KIF21B: variants seen among roughly 807,000 people sequenced by gnomAD.
KIF21B encodes kinesin-like protein KIF21B.
KIF21B carries 85 observed loss-of-function variants against 192.9 expected under a neutral mutation model. The ratio of observed to expected loss-of-function variants is 0.44; its 90% CI spans 0.37 to 0.53. The LOEUF is 0.53. KIF21B is among the 20% of genes least tolerant of loss of function. The pLI is 0.00. For missense variants in KIF21B, 1,716 were observed against 2,194.8 expected (o/e 0.78, Z 4.36); for synonymous variants, 832 against 884.6 (o/e 0.94, Z 1.05).
At position 201,023,706 on chromosome 1, in the gene KIF21B, A is replaced by T. The variant is rs1424127043; in HGVS notation, c.-323T>A. 1 of 151,388 alleles carries T rather than the reference A, an allele frequency of 6.6e-6. No homozygotes were observed. Among genetic ancestry groups the T allele is most frequent in the Admixed American group, 6.6e-5 (1 of 15,210 alleles). The allele number at this position is 151,388 out of a possible 1,614,324, so 9.4% of individuals were successfully genotyped here. ...CCACCCGGCAGCCACCTCCCGCCGC[A>T]GCGCGAACAAAGGGGGCGGGGGCCG... On this transcript the variant is annotated 5_prime_UTR_variant, in exon 1 of 35. Coordinates refer to ENST00000461742, the MANE Select transcript of KIF21B (RefSeq NM_001252102.2). The surrounding 1 kb of genome is among the most constrained non-coding windows in gnomAD (Gnocchi z 5.9).
chr1:201,002,251 C>T lies in KIF21B; in HGVS notation c.1312G>A (p.Val438Met), dbSNP rs1241827924. 1.2e-6 allele frequency: 2 copies of T among 1,614,100 alleles called. No individual in the cohort carries two copies. The highest frequency in any genetic ancestry group is 1.7e-5 in the Admixed American group (1 of 60,008). Residue 438 changes from valine to methionine, a missense_variant, in exon 9 of 35, where the codon GTG becomes ATG. By Grantham distance (21) the Val-to-Met change is conservative (BLOSUM62 1). Around this residue, in one of 3 missense-constraint regions of KIF21B, gnomAD observed 1,087 missense variants for 1,316.6 expected, o/e 0.83. Transcript: ENST00000461742. ...TCGATGGCCTCCTGCATGGCTTTCA[C>T]CCGCAGCCGCAGGGCCCCATTCTCC... ...QKENGALRLR[V>M]KAMQEAIDAI...
rs1247757053 is a variant in KIF21B at position 200,997,112 on chromosome 1, C to CT, written c.2078-718dup. Among the ~76,000 whole-genome samples the CT allele has an allele frequency of 2.0e-5, 3 of 152,332 alleles. No individual in the cohort carries two copies. The South Asian group carries it at 6.2e-4, about 32-fold the overall frequency. On this transcript the variant is annotated intron_variant, in intron 14 of 34. Transcript: ENST00000461742. The stretch of plus-strand genomic sequence containing the variant: ...TTTCCTAAGTGGTCTCCAGCTTCCA[C>CT]TTTCACTCCCCCATGCAGCAGCCAG...
At chr1:200,995,301 G>C (rs980603882) in intron 15 of KIF21B, among the ~76,000 whole-genome samples, 16 of 152,198 alleles carry the variant, frequency 1.1e-4, no homozygotes, top group African/African-American at 3.6e-4. Flanking sequence ...CAGCTTACTG[G>C]GGCTGCCACC....
chr1:200,973,822 G>A, intron 34 of KIF21B: 1 of 1,430,434 alleles, frequency 7.0e-7, no homozygotes, highest in Non-Finnish European at 9.1e-7. Context: ...TTGGGGGGGT[G>A]TTTCGTTTTG....
Position 200,975,397 on chromosome 1 carries a change from C to G in KIF21B, c.4614+102G>C, listed in dbSNP as rs956603409. ...TTGGGGAGCTGTGAAAACCATCTGG[C>G]CTGGGGCCCGCGAGTCCAGGTCCCA... On this transcript the variant is annotated intron_variant, in intron 33 of 34. Coordinates refer to ENST00000461742, the MANE Select transcript of KIF21B (RefSeq NM_001252102.2). The surrounding 1 kb of genome is among the most constrained non-coding windows in gnomAD (Gnocchi z 4.3). The G allele has an allele frequency of 3.3e-4, 361 of 1,083,742 alleles. 4 individuals are homozygous for G. The East Asian group carries it at 8.8e-3, about 26-fold the overall frequency. The allele number at this position is 1,083,742 out of a possible 1,614,324, so 67.1% of individuals were successfully genotyped here.
intron 1 of KIF21B, among the ~76,000 whole-genome samples, chr1:201,021,699 C>A (rs1272771551): frequency 6.6e-6 from 1 of 152,056 alleles, no homozygotes; most frequent in African/African-American, 2.4e-5. Context: ...AGGTAGGGGG[C>A]CTTTGTTTAG....
intron 29 of KIF21B, among the ~76,000 whole-genome samples, chr1:200,980,042 C>T (rs781129937): frequency 1.9e-4 from 29 of 152,154 alleles, no homozygotes; most frequent in Non-Finnish European, 3.4e-4. Context: ...TTTATGGTGC[C>T]TGTTCCTCCA....
At chr1:201,021,904 C>G (rs1442457245) in intron 1 of KIF21B, among the ~76,000 whole-genome samples, 1 of 152,162 alleles carries the variant, frequency 6.6e-6, no homozygotes. Context: ...CCATGCACCC[C>G]TCCCTCGACC....
intron 30 of KIF21B, 43 bp from the exon 31 acceptor site, chr1:200,977,419 A>C: frequency 1.2e-6 from 2 of 1,601,388 alleles, no homozygotes; most frequent in Non-Finnish European, 1.7e-6. Flanking sequence ...AAAACAATCC[A>C]TGTGCACAGT....
rs562793224 is a variant in KIF21B, at chr1:201,019,337, G to C, written c.41+4006C>G. ...AGATTTTATGTCCGTCTTCCTCCAA[G>C]CCACTGCTCTTCACAAATGAACAAA... On this transcript the variant is annotated intron_variant, in intron 1 of 34. Coordinates refer to ENST00000461742, the MANE Select transcript of KIF21B (RefSeq NM_001252102.2). Among the ~76,000 whole-genome samples the C allele has an allele frequency of 1.6e-4, 24 of 152,236 alleles. No homozygotes were observed. In the South Asian group the frequency reaches 5.0e-3, roughly 32 times the overall value.
chr1:200,980,890 C>A, intron 29 of KIF21B, 70 bp downstream of exon 29: 2 of 1,557,926 alleles, frequency 1.3e-6, no homozygotes, highest in Non-Finnish European at 1.7e-6. Flanking sequence ...CTTCACAGAC[C>A]ACTCTGACAA....
At chr1:201,001,440 C>G (rs1233078565) in intron 9 of KIF21B, 8 of 152,722 alleles carry the variant, frequency 5.2e-5, no homozygotes, top group African/African-American at 1.7e-4. Flanking sequence ...GTCGCCCAGG[C>G]TAGAGTCACA....
intron 30 of KIF21B, 142 bp from the exon 31 acceptor site, chr1:200,977,518 G>T: frequency 9.8e-7 from 1 of 1,019,092 alleles, no homozygotes; most frequent in Non-Finnish European, 1.4e-6. Context: ...AAGAGCAATA[G>T]CTTCTCCCAT....
intron 1 of KIF21B, among the ~76,000 whole-genome samples, chr1:201,012,631 C>CTATGTATGTATG (rs113600659): frequency 0.41 from 61,274 of 150,318 alleles, 13,352 homozygotes; most frequent in African/African-American, 0.55. Flanking sequence ...TCAGAAAACT[C>CTATGTATGTATG]TATGTATGTA....
intron 1 of KIF21B, 42 bp from the exon 2 acceptor site, chr1:201,009,530 A>G (rs773955124): frequency 6.4e-7 from 1 of 1,572,360 alleles, no homozygotes. Flanking sequence ...CCCAGCTAGA[A>G]GGGGGCTGCC....
In KIF21B at chr1:200,983,059, A is replaced by G. The variant is rs1656048834; in HGVS notation, c.3839T>C (p.Leu1280Pro). The change falls in exon 28 of 35, where the codon CTG (leucine) becomes CCG (proline). Residue 1280 changes from leucine to proline, a missense_variant. Coordinates refer to ENST00000461742, the MANE Select transcript of KIF21B (RefSeq NM_001252102.2). ...ACGAGAGACATTCTGTGTGTACCTC[A>G]GGACCTCCGACAAAGAGGAGTCGCT... is the stretch of plus-strand genomic sequence containing the variant. The part of the protein sequence containing the change: ...DDSDSSLSEV[L>P]RGIISPVGGA... The G allele has an allele frequency of 6.5e-7, 1 of 1,536,018 alleles. No homozygotes were observed. The highest frequency in any genetic ancestry group is 8.7e-7 in the Non-Finnish European group (1 of 1,146,856).
intron 30 of KIF21B, among the ~76,000 whole-genome samples, chr1:200,979,155 T>C (rs1655748894): frequency 6.6e-6 from 1 of 152,088 alleles, no homozygotes; most frequent in South Asian, 2.1e-4. Flanking sequence ...GGGGCAGGGC[T>C]CAGGGCCATG....
intron 15 of KIF21B, among the ~76,000 whole-genome samples, chr1:200,993,392 G>A (rs1336398082): frequency 1.3e-5 from 2 of 152,180 alleles, no homozygotes; most frequent in Non-Finnish European, 2.9e-5. Context: ...GGCTGGACCA[G>A]AAGCCTCGAA....
In KIF21B at chr1:200,982,834, C is replaced by T. The variant is rs1044113814; in HGVS notation, c.3842+222G>A. ...AGCAACTGTGCACCCTCCCCAAGCC[C>T]CCAGCTCTAGCTGGCGCAGTCCAAG... On this transcript the variant is annotated intron_variant, in intron 28 of 34. Coordinates refer to ENST00000461742, the MANE Select transcript of KIF21B (RefSeq NM_001252102.2). The surrounding 1 kb of genome is among the most constrained non-coding windows in gnomAD (Gnocchi z 4.7). Among the ~76,000 whole-genome samples, 11 of 152,176 alleles carry T rather than the reference C, an allele frequency of 7.2e-5. No homozygotes were observed. Among genetic ancestry groups the T allele is most frequent in the African/African-American group, 2.7e-4 (11 of 41,450 alleles).
Sources: allele counts gnomAD v4.1 joint callset (sites outside exome capture counted in the v4.1 genomes callset), GRCh38; gene constraint gnomAD v4.1.1; regional missense constraint gnomAD v4.1.1; non-coding constraint Gnocchi (gnomAD v3.1); transcripts MANE v1.5; gene names NCBI Gene and HGNC (gene_info 2026-07-23, HGNC 2026-07-21).